The following XPC variants were observed in gnomAD, a reference collection of about 807,000 sequenced individuals.
XPC encodes DNA repair protein complementing XP-C cells.
XPC carries 76 observed loss-of-function variants against 95.8 expected under a neutral mutation model. The observed-to-expected ratio is 0.79, with a 90% confidence interval of 0.66 to 0.96. XPC has a LOEUF of 0.96. XPC is among the 40% of genes least tolerant of loss of function. XPC has a pLI of 0.00. For synonymous variants in XPC, 442 were observed against 442.1 expected, an observed-to-expected ratio of 1.00 and a Z score of 0.00; for missense variants, 1,146 against 1,179.8, an observed-to-expected ratio of 0.97 and a Z score of 0.42.
Position 14,158,777 on chromosome 3 carries a change from T to C in XPC, c.1106A>G (p.Glu369Gly). The change falls in exon 9 of 16, where the codon GAG becomes GGG. Residue 369 changes from glutamate (E) to glycine (G), a missense_variant. Physicochemically the swap from Glu to Gly is moderately conservative, Grantham distance 98. Coordinates refer to ENST00000285021, the MANE Select transcript of XPC (RefSeq NM_004628.5). This position sits in a 1 kb window ranked among gnomAD's most constrained non-coding sequence, Gnocchi z 5.2. ...GCAGGTGCCCTTAGCAAAGGTTTCC[T>C]CTTGTTTGGTTCCTTTGCTGGTCTT... is the stretch of plus-strand genomic sequence containing the variant. ...KPKTSKGTKQ[E>G]ETFAKGTCRP... 4 of 1,613,978 alleles carry C rather than the reference T, an allele frequency of 2.5e-6. No homozygotes were observed. The highest frequency in any genetic ancestry group is 3.4e-6 in the Non-Finnish European group (4 of 1,179,894).
chr3:14,148,595 C>T lies in XPC; in HGVS notation c.2387G>A (p.Gly796Asp), dbSNP rs1442643122. The T allele has an allele frequency of 6.2e-7, 1 of 1,613,884 alleles. No homozygotes were observed. Among genetic ancestry groups the T allele is most frequent in the Non-Finnish European group, 8.5e-7 (1 of 1,179,896 alleles). The change falls in exon 13 of 16, where the codon GGC becomes GAC. Residue 796 changes from glycine to aspartate, a missense_variant. By Grantham distance (94) the Gly-to-Asp change is moderately conservative (BLOSUM62 -1). Transcript: ENST00000285021. Reference sequence around the variant, plus strand: ...GGAGTAGCCGCCATGGAAATCAAAGCCAGTGATGGCCTGGACACAGTCGAT... The same window carrying T: ...GGAGTAGCCGCCATGGAAATCAAAGTCAGTGATGGCCTGGACACAGTCGAT... Reference protein sequence around the residue: ...LDIDCVQAITGFDFHGGYSHP... With the variant: ...LDIDCVQAITDFDFHGGYSHP...
intron 7 of XPC, 70 bp from the exon 8 acceptor site, chr3:14,159,900 T>C: frequency 2.1e-6 from 3 of 1,443,832 alleles, no homozygotes; most frequent in Non-Finnish European, 2.9e-6. Context: ...CAATGTTGTT[T>C]GTTATGGTGC....
At chr3:14,157,461 G>C (rs1240331226) in intron 9 of XPC, among the ~76,000 whole-genome samples, 1 of 152,120 alleles carries the variant, frequency 6.6e-6, no homozygotes, top group Non-Finnish European at 1.5e-5. Context: ...GCTGGTTCTA[G>C]GATCAAGTGA....
intron 7 of XPC, chr3:14,160,033 C>A: frequency 1.9e-6 from 1 of 518,934 alleles, no homozygotes; most frequent in African/African-American, 2.0e-5. Flanking sequence ...GGAACATGCT[C>A]ATCATATATT....
chr3:14,149,024 G>C, intron 11 of XPC, 76 bp from the exon 12 acceptor site: 2 of 1,584,558 alleles, frequency 1.3e-6, no homozygotes, highest in Non-Finnish European at 1.7e-6. Flanking sequence ...ACCATGCTCA[G>C]TGCCGCATGC....
At chr3:14,152,200 G>A (rs1206296317) in intron 11 of XPC, 135 bp downstream of exon 11, 16 of 660,702 alleles carry the variant, frequency 2.4e-5, no homozygotes, top group South Asian at 1.8e-4. Flanking sequence ...TGCTCAAGCC[G>A]GGAAAGTGAG....
rs56310328 is a variant in XPC at position 14,147,224 on chromosome 3, T to C, written c.2604+66A>G. ...GCTGGGGCAGAATCTGGGCCAGGCC[T>C]TTCTGAGCTGCATCTCCAAGAAACT... On this transcript the variant is annotated intron_variant, in intron 15 of 15. Coordinates refer to ENST00000285021, the MANE Select transcript of XPC (RefSeq NM_004628.5). 8 of 1,521,058 alleles carry C rather than the reference T, an allele frequency of 5.3e-6. No homozygotes were observed. In the South Asian group the frequency reaches 8.5e-5, roughly 16 times the overall value. The allele number at this position is 1,521,058 out of a possible 1,614,324, so 94.2% of individuals were successfully genotyped here.
intron 1 of XPC, among the ~76,000 whole-genome samples, chr3:14,173,652 TTAAAG>T (rs911059734): frequency 4.6e-5 from 7 of 152,224 alleles, no homozygotes; most frequent in Admixed American, 1.3e-4. Context: ...AAGTATTTTC[TTAAAG>T]TAATTATTTT....
At chr3:14,146,340 G>A (rs1695436296) in intron 15 of XPC, among the ~76,000 whole-genome samples, 181 bp from the exon 16 acceptor site, 1 of 152,026 alleles carries the variant, frequency 6.6e-6, no homozygotes, top group African/African-American at 2.4e-5. Context: ...CCCAGCCTGG[G>A]GTGCATCCAA....
In XPC at chr3:14,167,392, G is replaced by A. The variant is rs1401830910; in HGVS notation, c.537-139C>T. On this transcript the variant is annotated intron_variant, in intron 4 of 15. Transcript: ENST00000285021. ...ACACAAGGCTGTGCTACTCAAGTCC[G>A]TCTGCAAGCCAGCTATTTCCTGCAG... 4.3e-5 allele frequency: 30 copies of A among 704,284 alleles called. No individual in the cohort carries two copies. The Admixed American group carries it at 5.1e-4, about 12-fold the overall frequency. The allele number at this position is 704,284 out of a possible 1,614,324, so 43.6% of individuals were successfully genotyped here. A position where few individuals can be genotyped will look rare whatever the true frequency, so the allele number is the denominator to read the frequency against.
intron 3 of XPC, among the ~76,000 whole-genome samples, chr3:14,169,726 C>T (rs1008729229): frequency 6.6e-6 from 1 of 152,190 alleles, no homozygotes; most frequent in African/African-American, 2.4e-5. Flanking sequence ...AGAATATCTA[C>T]AACTTATTTT....
chr3:14,172,947 C>CA lies in XPC; in HGVS notation c.218_219insT (p.Lys73AsnfsTer9). The CA allele has an allele frequency of 6.2e-7, 1 of 1,613,964 alleles. No individual in the cohort carries two copies. Among genetic ancestry groups the CA allele is most frequent in the East Asian group, 2.2e-5 (1 of 44,894 alleles). On this transcript the variant is annotated frameshift_variant, in exon 2 of 16. Transcript: ENST00000285021. LOFTEE classifies it high-confidence loss of function. ...ATTTAACAGTCACCTTGGCCACTTT[C>CA]TTTTTTGCTGGACCATCTGCTGAAC...
In XPC at chr3:14,158,344, C is replaced by T. The variant is rs3731130; in HGVS notation, c.1539G>A (p.Met513Ile). 1.7e-5 allele frequency: 27 copies of T among 1,613,862 alleles called. No homozygotes were observed. In the Admixed American group the frequency reaches 4.0e-4, roughly 24 times the overall value. The change falls in exon 9 of 16, where the codon ATG becomes ATA. Residue 513 changes from methionine to isoleucine, a missense_variant. By Grantham distance (10) the Met-to-Ile change is conservative (BLOSUM62 1). Coordinates refer to ENST00000285021, the MANE Select transcript of XPC (RefSeq NM_004628.5). This position sits in a 1 kb window ranked among gnomAD's most constrained non-coding sequence, Gnocchi z 5.2. ...SSSSSKRGKKMCSDGEKAEKR... is the reference protein window; with the variant it reads ...SSSSSKRGKKICSDGEKAEKR... ...TTTCTGCCTTCTCACCATCGCTGCACATTTTCTTGCCTCTTTTACTGCTTG... is the reference window on the plus strand; with the variant it reads ...TTTCTGCCTTCTCACCATCGCTGCATATTTTCTTGCCTCTTTTACTGCTTG...
rs1419813510 is a variant in XPC at position 14,145,659 on chromosome 3, A to G, written c.*282T>C. On this transcript the variant is annotated 3_prime_UTR_variant, in exon 16 of 16. Coordinates refer to ENST00000285021, the MANE Select transcript of XPC (RefSeq NM_004628.5). ...TCTAGGAGGCAGAAGAGTATCTCCT[A>G]GCAAAGTGTTCTGTAGCTCAAAGGG... 6 of 699,358 alleles carry G rather than the reference A, an allele frequency of 8.6e-6. No individual in the cohort carries two copies. The East Asian group carries it at 1.6e-4, about 19-fold the overall frequency. 43.3% of individuals were successfully genotyped at this position (699,358 alleles called of 1,614,324 possible).
In XPC at chr3:14,158,962, G is replaced by A. The variant is rs1696059214; in HGVS notation, c.991-70C>T. 1 of 1,595,762 alleles carries A rather than the reference G, an allele frequency of 6.3e-7. No homozygotes were observed. The highest frequency in any genetic ancestry group is 1.1e-5 in the South Asian group (1 of 89,820). The stretch of plus-strand genomic sequence containing the variant: ...TTGCTAATGATATGATAGAAATCCT[G>A]TAATCTAATAGGGTTAAGTCACCAG... On this transcript the variant is annotated intron_variant, in intron 8 of 15. Coordinates refer to ENST00000285021, the MANE Select transcript of XPC (RefSeq NM_004628.5). The surrounding 1 kb of genome is among the most constrained non-coding windows in gnomAD (Gnocchi z 5.2).
chr3:14,172,389 T>G (rs942218040), intron 2 of XPC, among the ~76,000 whole-genome samples: 1 of 152,102 alleles, frequency 6.6e-6, no homozygotes, highest in Non-Finnish European at 1.5e-5. Flanking sequence ...GTTTCAGATC[T>G]GCATCTTCAA....
Position 14,145,585 on chromosome 3 carries a change from C to T in XPC, c.*356G>A, listed in dbSNP as rs773744786. 1.7e-5 allele frequency: 12 copies of T among 699,594 alleles called. No individual in the cohort carries two copies. Among genetic ancestry groups the T allele is most frequent in the South Asian group, 1.5e-4 (10 of 66,798 alleles). 43.3% of individuals were successfully genotyped at this position (699,594 alleles called of 1,614,324 possible). On this transcript the variant is annotated 3_prime_UTR_variant, in exon 16 of 16. Transcript: ENST00000285021. ...GATGCACCACCATCCAGAAATCTCC[C>T]GGTGGCTTCCATACAAAAACTGATG...
At chr3:14,166,166 ACTG>A (rs1696369926) in intron 5 of XPC, among the ~76,000 whole-genome samples, 1 of 151,742 alleles carries the variant, frequency 6.6e-6, no homozygotes, top group Non-Finnish European at 1.5e-5. Flanking sequence ...CTTTTCACAT[ACTG>A]CTTTGTGTCA....
At chr3:14,168,435 C>A in intron 3 of XPC, 55 bp from the exon 4 acceptor site, 1 of 1,597,046 alleles carries the variant, frequency 6.3e-7, no homozygotes, top group Non-Finnish European at 8.6e-7. Flanking sequence ...ATAATAGCTA[C>A]TGTACTGAAC....
Sources: allele counts gnomAD v4.1 joint callset (sites outside exome capture counted in the v4.1 genomes callset), GRCh38; gene constraint gnomAD v4.1.1; non-coding constraint Gnocchi (gnomAD v3.1); transcripts MANE v1.5; gene names NCBI Gene and HGNC (gene_info 2026-07-23, HGNC 2026-07-21).